SACS: variants seen among roughly 807,000 people sequenced by gnomAD.
SACS encodes the protein sacsin.
In SACS, 197 loss-of-function variants were observed where a neutral mutation model predicts 348.0. The observed-to-expected ratio is 0.57, with a 90% CI of 0.50 to 0.64. The LOEUF is 0.64. SACS is among the 30% of genes least tolerant of loss of function. SACS has a pLI of 0.00. For synonymous variants in SACS, 1,985 were observed against 1,910.6 expected (o/e 1.04, Z -1.02); for missense variants, 4,999 against 5,360.8 (o/e 0.93, Z 2.11).
At chr13:23,396,632 T>C (rs1405894066) in intron 2 of SACS, among the ~76,000 whole-genome samples, 1 of 152,180 alleles carries the variant, frequency 6.6e-6, no homozygotes, top group Non-Finnish European at 1.5e-5. Flanking sequence ...TTGACATACA[T>C]TACTTCATAT....
In SACS at chr13:23,332,773, C is replaced by T; in HGVS notation, c.11103G>A (p.Trp3701Ter). 6.2e-7 allele frequency: 1 copy of T among 1,613,952 alleles called. No homozygotes were observed. The highest frequency in any genetic ancestry group is 8.5e-7 in the Non-Finnish European group (1 of 1,179,954). The change falls in exon 10 of 10, where the codon TGG (tryptophan) becomes TGA (stop). Residue 3701 changes from tryptophan to a stop codon, truncating the protein, a stop_gained. Transcript: ENST00000382292. LOFTEE classifies it high-confidence loss of function. ...FKQCDVLQLL[W>*]TSCPILPEKA... is the part of the protein sequence containing the mutation. ...TCTCTGGAAGAATAGGGCAGGATGT[C>T]CATAACAGCTGGAGTACATCACATT...
chr13:23,349,717 G>C (rs1490264920), intron 9 of SACS, among the ~76,000 whole-genome samples: 3 of 152,040 alleles, frequency 2.0e-5, no homozygotes, highest in Non-Finnish European at 4.4e-5. Flanking sequence ...TCAAATCCTG[G>C]GGACCTTGAG....
chr13:23,377,615 C>A (rs1871868087), intron 2 of SACS, among the ~76,000 whole-genome samples: 1 of 152,222 alleles, frequency 6.6e-6, no homozygotes, highest in South Asian at 2.1e-4. Context: ...CAGCACATCA[C>A]ATTCGCTCTC....
In SACS at chr13:23,333,242, A is replaced by G. The variant is rs754022684; in HGVS notation, c.10634T>C (p.Val3545Ala). Residue 3545 changes from valine (V) to alanine (A), a missense_variant, in exon 10 of 10, where the codon GTG (valine) becomes GCG (alanine). This residue lies in a region of SACS where 831 missense variants were observed against 941.8 expected (regional missense o/e 0.88). Coordinates refer to ENST00000382292, the MANE Select transcript of SACS (RefSeq NM_014363.6). ...AGGAAGCATAACTTCAAAAACTCTC[A>G]CAGTTCTATCATAGAAATGCTTTGC... ...KQAKHFYDRT[V>A]RVFEVMLPEK... The G allele has an allele frequency of 6.3e-7, 1 of 1,598,940 alleles. No individual in the cohort carries two copies. The highest frequency in any genetic ancestry group is 1.7e-5 in the Admixed American group (1 of 57,198).
At chr13:23,407,520 T>C (rs1049930989) in intron 2 of SACS, among the ~76,000 whole-genome samples, 1 of 152,006 alleles carries the variant, frequency 6.6e-6, no homozygotes, top group Non-Finnish European at 1.5e-5. Context: ...TTGTTTTTCA[T>C]AAATGTCTGA....
chr13:23,398,209 T>A (rs893037096), intron 2 of SACS, among the ~76,000 whole-genome samples: 21 of 148,054 alleles, frequency 1.4e-4, no homozygotes, highest in African/African-American at 3.0e-4. Context: ...AAAATAAAAT[T>A]AAATTAAATT....
chr13:23,426,780 C>G (rs1874200677), intron 1 of SACS, among the ~76,000 whole-genome samples: 1 of 152,108 alleles, frequency 6.6e-6, no homozygotes, highest in South Asian at 2.1e-4. Flanking sequence ...TTAGCCTTTC[C>G]AACGGAGGCA....
rs373478772 is a variant in SACS at position 23,331,616 on chromosome 13, T to C, written c.12260A>G (p.Tyr4087Cys). 61 of 1,613,850 alleles carry C rather than the reference T, an allele frequency of 3.8e-5. No individual in the cohort carries two copies. The highest frequency in any genetic ancestry group is 1.3e-4 in the African/African-American group (10 of 74,924). Residue 4087 changes from tyrosine (Y) to cysteine (C), a missense_variant, in exon 10 of 10, where the codon TAC (tyrosine) becomes TGC (cysteine). Tyr to Cys is a radical substitution (Grantham distance 194). Coordinates refer to ENST00000382292, the MANE Select transcript of SACS (RefSeq NM_014363.6). ...KRFGNAVILL[Y>C]IQHSDSKDIN... is the part of the protein sequence containing the mutation. Reference sequence around the variant, plus strand: ...GTCTTTACTGTCTGAATGTTGAATGTAGAGCAAGATGACTGCATTACCAAA... The same window carrying C: ...GTCTTTACTGTCTGAATGTTGAATGCAGAGCAAGATGACTGCATTACCAAA...
intron 2 of SACS, among the ~76,000 whole-genome samples, chr13:23,377,117 T>A (rs937075054): frequency 1.3e-5 from 2 of 152,106 alleles, no homozygotes; most frequent in Non-Finnish European, 2.9e-5. Flanking sequence ...GAAAGTAGAT[T>A]AGTGGGGCTG....
In SACS at chr13:23,332,545, A is replaced by G. The variant is rs889798552; in HGVS notation, c.11331T>C (p.Tyr3777=). The change falls in exon 10 of 10, where the codon TAT becomes TAC. Residue 3777 remains tyrosine, a synonymous_variant. Transcript: ENST00000382292. Reference sequence around the variant, plus strand: ...CCCTTTTTTCTGCACTGAGGAATTCATATATGCTCCTTAAGACTTTTGCTC... The same window carrying G: ...CCCTTTTTTCTGCACTGAGGAATTCGTATATGCTCCTTAAGACTTTTGCTC... ...KTRAKVLRSI[Y]EFLSAEKREF... is the part of the protein sequence containing the mutation. 1.2e-6 allele frequency: 2 copies of G among 1,613,838 alleles called. No homozygotes were observed. Among genetic ancestry groups the G allele is most frequent in the African/African-American group, 2.7e-5 (2 of 74,912 alleles).
intron 2 of SACS, among the ~76,000 whole-genome samples, chr13:23,376,214 A>G (rs1317195121): frequency 1.3e-5 from 2 of 152,204 alleles, no homozygotes; most frequent in Non-Finnish European, 2.9e-5. Context: ...ATGTCTTCCC[A>G]TCACAACCGC....
chr13:23,425,243 G>T lies in SACS; in HGVS notation c.-502+8372C>A, dbSNP rs541960654. 2.3e-3 allele frequency among the ~76,000 whole-genome samples: 347 copies of T among 151,824 alleles called. 6 individuals carry two copies. Among genetic ancestry groups the T allele is most frequent in the Non-Finnish European group, 4.7e-4 (32 of 67,918 alleles). On this transcript the variant is annotated intron_variant, in intron 1 of 9. Coordinates refer to ENST00000382292, the MANE Select transcript of SACS (RefSeq NM_014363.6). ...ACTTGGGGCCTATGTGTCCACCTGG[G>T]ACCTGACATACAGATGCCCGATGTC...
chr13:23,427,640 A>ATT (rs1874241235), intron 1 of SACS: 1 of 152,262 alleles, frequency 6.6e-6, no homozygotes, highest in Non-Finnish European at 1.5e-5. Context: ...ACTATTGTAT[A>ATT]AATAATGGGA....
At chr13:23,384,656 T>C (rs1593166340) in intron 2 of SACS, among the ~76,000 whole-genome samples, 3 of 152,148 alleles carry the variant, frequency 2.0e-5, no homozygotes, top group Admixed American at 6.5e-5. Context: ...TATATTAGTT[T>C]GGGAGATGTA....
intron 1 of SACS, among the ~76,000 whole-genome samples, chr13:23,431,052 T>A (rs1199417139): frequency 6.6e-6 from 1 of 152,238 alleles, no homozygotes; most frequent in Non-Finnish European, 1.5e-5. Context: ...CTTGGGGTTC[T>A]ACTCTCTCTT....
intron 2 of SACS, among the ~76,000 whole-genome samples, chr13:23,409,046 T>TC (rs1873364007): frequency 7.7e-5 from 1 of 12,916 alleles, no homozygotes; most frequent in African/African-American, 2.3e-4. Context: ...TTTACTTTTT[T>TC]TTTTTTTTTT....
chr13:23,375,639 C>T (rs1267588255), intron 2 of SACS: 9 of 860,722 alleles, frequency 1.0e-5, no homozygotes, highest in Non-Finnish European at 1.3e-5. Flanking sequence ...AGCTGGGGAT[C>T]CGCCCCGCCC....
intron 2 of SACS, among the ~76,000 whole-genome samples, chr13:23,376,888 C>T (rs1474099016): frequency 6.6e-6 from 1 of 152,158 alleles, no homozygotes; most frequent in Non-Finnish European, 1.5e-5. Flanking sequence ...CCTGTCTCTA[C>T]TAAAAATACA....
chr13:23,331,158 GAGAGCT>G lies in SACS; in HGVS notation c.12712_12717del (p.Ser4238_Ser4239del). The stretch of plus-strand genomic sequence containing the variant: ...GGTCTTGAAAACTTATACAGATCAA[GAGAGCT>G]AACTATTTTATATTCACTATAACCA... On this transcript the variant is annotated inframe_deletion, in exon 10 of 10. Transcript: ENST00000382292. 6.2e-7 allele frequency: 1 copy of G among 1,614,022 alleles called. No homozygotes were observed. The highest frequency in any genetic ancestry group is 8.5e-7 in the Non-Finnish European group (1 of 1,179,906).
Sources: allele counts gnomAD v4.1 joint callset (sites outside exome capture counted in the v4.1 genomes callset), GRCh38; gene constraint gnomAD v4.1.1; regional missense constraint gnomAD v4.1.1; transcripts MANE v1.5; gene names NCBI Gene and HGNC (gene_info 2026-07-23, HGNC 2026-07-21).